ERG: variants seen among roughly 807,000 people sequenced by gnomAD.
ERG encodes ETS transcription factor ERG, also known as transcriptional regulator ERG.
A neutral mutation model predicts 55.3 loss-of-function variants in ERG; 9 were observed. That is an observed-to-expected ratio of 0.16 (90% CI 0.10 to 0.28). The LOEUF (loss-of-function observed/expected upper bound fraction) is 0.28, where lower values mean the gene tolerates loss of function less well. ERG is among the 10% of genes least tolerant of loss of function. The probability of loss-of-function intolerance (pLI) is 1.00; values close to 1 mark genes in which losing one functional copy is unlikely to be tolerated. For synonymous variants in ERG, 223 were observed against 237.3 expected (o/e 0.94, Z 0.55); for missense variants, 434 against 631.6 (o/e 0.69, Z 3.35).
chr21:38,400,454 C>A, intron 6 of ERG, 120 bp downstream of exon 6: 1 of 823,854 alleles, frequency 1.2e-6, no homozygotes, highest in Non-Finnish European at 2.2e-6. Context: ...ATAAGACTGT[C>A]TGGGACTGGC....
At chr21:38,582,167 G>C (rs892416235) in intron 1 of ERG, among the ~76,000 whole-genome samples, 4 of 151,576 alleles carry the variant, frequency 2.6e-5, no homozygotes, top group African/African-American at 9.7e-5. Flanking sequence ...GTAATCATAA[G>C]AGCATAGCGT....
chr21:38,626,080 TC>T (rs1273571439), intron 1 of ERG, among the ~76,000 whole-genome samples: 3 of 151,864 alleles, frequency 2.0e-5, no homozygotes, highest in Non-Finnish European at 4.4e-5. Flanking sequence ...TGCTACCATT[TC>T]CAGCTAATTT....
At chr21:38,441,361 C>A (rs2058839635) in intron 2 of ERG, among the ~76,000 whole-genome samples, 1 of 152,074 alleles carries the variant, frequency 6.6e-6, no homozygotes, top group East Asian at 1.9e-4. Context: ...TGTGAGTGGG[C>A]CTTGTCTAAT....
At chr21:38,395,133 G>A (rs539062511) in intron 6 of ERG, among the ~76,000 whole-genome samples, 23 of 152,182 alleles carry the variant, frequency 1.5e-4, no homozygotes, top group Middle Eastern at 6.8e-3. Flanking sequence ...ACATATTGCC[G>A]CGGAAGATAA....
At chr21:38,641,381 A>C (rs961917835) in intron 1 of ERG, among the ~76,000 whole-genome samples, 5 of 152,194 alleles carry the variant, frequency 3.3e-5, no homozygotes, top group African/African-American at 2.4e-5. Context: ...GTGCCTTGAC[A>C]TTGAACTTCC....
intron 1 of ERG, chr21:38,470,744 A>T (rs914558512): frequency 6.6e-6 from 1 of 152,248 alleles, no homozygotes; most frequent in Non-Finnish European, 1.5e-5. Flanking sequence ...AGTATAATCA[A>T]CTTTGGCACC....
chr21:38,434,987 T>C (rs1377064640), intron 2 of ERG, among the ~76,000 whole-genome samples: 1 of 152,226 alleles, frequency 6.6e-6, no homozygotes, highest in African/African-American at 2.4e-5. Context: ...ACTGTCTTTC[T>C]GAATGTTCCT....
intron 2 of ERG, among the ~76,000 whole-genome samples, chr21:38,528,027 C>T (rs988726146): frequency 5.3e-5 from 8 of 152,336 alleles, no homozygotes; most frequent in South Asian, 4.1e-4. Context: ...CCTTTTGAGG[C>T]TGTGAGGGAG....
rs1361806607 is a variant in ERG, at chr21:38,382,929, C to T, written c.*474G>A. 1 of 1,066,404 alleles carries T rather than the reference C, an allele frequency of 9.4e-7. No homozygotes were observed. Among genetic ancestry groups the T allele is most frequent in the Non-Finnish European group, 1.1e-6 (1 of 879,874 alleles). 66.1% of individuals were successfully genotyped at this position (1,066,404 alleles called of 1,614,324 possible). A position where few individuals can be genotyped will look rare whatever the true frequency, so the allele number is the denominator to read the frequency against. On this transcript the variant is annotated 3_prime_UTR_variant, in exon 10 of 10. Coordinates refer to ENST00000288319, the MANE Select transcript of ERG (RefSeq NM_182918.4). ...TGATGGGCCACAGTCTCTCTCGTGTCTTTTCTCTTGTTTTTGATATGTTTC... is the reference window on the plus strand; with the variant it reads ...TGATGGGCCACAGTCTCTCTCGTGTTTTTTCTCTTGTTTTTGATATGTTTC...
chr21:38,591,149 G>C lies in ERG; in HGVS notation c.-149-6204C>G, dbSNP rs547145391. Among the ~76,000 whole-genome samples, 11 of 152,320 alleles carry C rather than the reference G, an allele frequency of 7.2e-5. No individual in the cohort carries two copies. The East Asian group carries it at 1.9e-3, about 27-fold the overall frequency. ...AAAGATCTAAGTCATGGAAGCCAAG[G>C]AAGGACATTCAGTAAGATGGAAAGT... On this transcript the variant is annotated intron_variant, in intron 1 of 10. Coordinates refer to the ERG transcript ENST00000398910.
chr21:38,637,164 A>T (rs1312999863), intron 1 of ERG, among the ~76,000 whole-genome samples: 1 of 152,146 alleles, frequency 6.6e-6, no homozygotes, highest in Non-Finnish European at 1.5e-5. Context: ...AAGCATCTCA[A>T]AACCATTGCT....
upstream of ERG, among the ~76,000 whole-genome samples, chr21:38,500,839 GT>G (rs893909503): frequency 2.0e-5 from 3 of 152,092 alleles, no homozygotes; most frequent in African/African-American, 7.2e-5. Flanking sequence ...CTAATAAAAA[GT>G]TAATTTGGGG....
At chr21:38,555,881 A>G (rs1208102315) in intron 2 of ERG, among the ~76,000 whole-genome samples, 1 of 152,220 alleles carries the variant, frequency 6.6e-6, no homozygotes, top group African/African-American at 2.4e-5. Flanking sequence ...GTCTTCAGAA[A>G]GGAAATTGGA....
At chr21:38,452,340 TAC>T (rs199912010) in intron 1 of ERG, among the ~76,000 whole-genome samples, 2,621 of 152,256 alleles carry the variant, frequency 0.017, 43 homozygotes, top group South Asian at 0.044. Flanking sequence ...CATATATACA[TAC>T]ACACACATAT....
chr21:38,520,602 G>A (rs1343987502), intron 2 of ERG, among the ~76,000 whole-genome samples: 3 of 152,178 alleles, frequency 2.0e-5, no homozygotes, highest in Admixed American at 2.0e-4. Flanking sequence ...TACAGAAAAG[G>A]TTTGTCAACA....
At chr21:38,497,779 A>G (rs1404299446) in intron 1 of ERG, among the ~76,000 whole-genome samples, 1 of 152,212 alleles carries the variant, frequency 6.6e-6, no homozygotes, top group Non-Finnish European at 1.5e-5. Context: ...AGATAAACAT[A>G]TAGTGGAACA....
intron 3 of ERG, among the ~76,000 whole-genome samples, chr21:38,414,406 G>A (rs1601359304): frequency 6.6e-6 from 1 of 152,190 alleles, no homozygotes; most frequent in African/African-American, 2.4e-5. Flanking sequence ...TATCTTGTGA[G>A]GGAGGCACAA....
intron 1 of ERG, among the ~76,000 whole-genome samples, chr21:38,623,926 C>G (rs1485518748): frequency 6.6e-6 from 1 of 152,080 alleles, no homozygotes; most frequent in Admixed American, 6.5e-5. Flanking sequence ...TCCTCCCAAG[C>G]TAATGTTTTA....
chr21:38,446,246 A>G (rs1451694663), intron 1 of ERG, among the ~76,000 whole-genome samples: 1 of 148,422 alleles, frequency 6.7e-6, no homozygotes, highest in Non-Finnish European at 1.5e-5. Context: ...AAAAAAAAAA[A>G]AAAAAAAGCT....
Sources: gnomAD v4.1 joint callset for allele counts (sites outside exome capture counted in the v4.1 genomes callset) on GRCh38, gnomAD v4.1.1 for gene constraint, MANE v1.5 for transcripts, NCBI Gene and HGNC (gene_info 2026-07-23, HGNC 2026-07-21) for gene names.